The following CTNNA3 variants were observed in gnomAD, a reference collection of about 807,000 sequenced individuals.
The protein encoded by CTNNA3 is catenin alpha-3.
In CTNNA3, 76 loss-of-function variants were observed where a neutral mutation model predicts 95.7. The observed-to-expected ratio is 0.79, with a 90% confidence interval of 0.66 to 0.96. The LOEUF (loss-of-function observed/expected upper bound fraction) is 0.96, where lower values mean the gene tolerates loss of function less well. CTNNA3 is among the 40% of genes least tolerant of loss of function. CTNNA3 has a pLI of 0.00. For missense variants in CTNNA3, 1,191 were observed against 1,089.8 expected (o/e 1.09, Z -1.31); for synonymous variants, 431 against 374.4 (o/e 1.15, Z -1.74).
At chr10:66,107,175 A>AT (rs1230014618) in intron 13 of CTNNA3, among the ~76,000 whole-genome samples, 12 of 152,144 alleles carry the variant, frequency 7.9e-5, no homozygotes, top group Middle Eastern at 3.2e-3. Flanking sequence ...AAGAGAGCCC[A>AT]TTTTTTCAGA....
At chr10:67,095,726 A>G (rs190825050) in intron 7 of CTNNA3, among the ~76,000 whole-genome samples, 1 of 151,962 alleles carries the variant, frequency 6.6e-6, no homozygotes, top group Non-Finnish European at 1.5e-5. Context: ...ACAAGTATAT[A>G]AAATCCTACA....
At chr10:66,278,323 G>T (rs1439392136) in intron 13 of CTNNA3, among the ~76,000 whole-genome samples, 2 of 151,508 alleles carry the variant, frequency 1.3e-5, no homozygotes, top group African/African-American at 4.8e-5. Context: ...ATTTGACATT[G>T]GACAGGCACT....
At chr10:66,122,041 GTTATAC>G (rs557723742) in intron 13 of CTNNA3, among the ~76,000 whole-genome samples, 32 of 152,048 alleles carry the variant, frequency 2.1e-4, no homozygotes, top group Non-Finnish European at 4.4e-4. Flanking sequence ...TGACACCAGT[GTTATAC>G]TTATCAGGCA....
chr10:67,111,903 G>T (rs1047605658), intron 7 of CTNNA3, among the ~76,000 whole-genome samples: 6 of 151,860 alleles, frequency 4.0e-5, no homozygotes, highest in Non-Finnish European at 5.9e-5. Context: ...ATTTCATTAT[G>T]GGGTGAAAAA....
rs779034638 is a variant in CTNNA3, at chr10:67,338,730, A to C, written c.580-118860T>G. Among the ~76,000 whole-genome samples, 79 of 152,192 alleles carry C rather than the reference A, an allele frequency of 5.2e-4. 4 individuals are homozygous for C. The highest frequency in any genetic ancestry group is 2.4e-4 in the Non-Finnish European group (16 of 68,020). On this transcript the variant is annotated intron_variant, in intron 5 of 17. Transcript: ENST00000433211. ...ATAAGCAAACTGCAGTAGCTTGCCT[A>C]CAATAGCTAACAACATCATCTCACT...
chr10:66,442,524 A>G (rs570363925), intron 11 of CTNNA3, among the ~76,000 whole-genome samples: 26 of 152,344 alleles, frequency 1.7e-4, no homozygotes, highest in Admixed American at 1.4e-3. Flanking sequence ...AGATTACAAC[A>G]TAAAACAGAT....
intron 10 of CTNNA3, among the ~76,000 whole-genome samples, chr10:66,566,906 G>A (rs1324829645): frequency 6.6e-6 from 1 of 150,988 alleles, no homozygotes; most frequent in Non-Finnish European, 1.5e-5. Flanking sequence ...CACAAAGAGA[G>A]GGAGAGAAAA....
intron 5 of CTNNA3, among the ~76,000 whole-genome samples, chr10:67,514,990 T>C (rs1276066807): frequency 2.0e-5 from 3 of 152,170 alleles, no homozygotes; most frequent in African/African-American, 7.2e-5. Flanking sequence ...GGAAACAGAA[T>C]AGCAAACCTT....
At chr10:66,685,274 C>CGTATACATGTGT (rs1847227656) in intron 9 of CTNNA3, among the ~76,000 whole-genome samples, 1 of 57,156 alleles carries the variant, frequency 1.7e-5, no homozygotes, top group African/African-American at 8.5e-5. Flanking sequence ...TGTATATATA[C>CGTATACATGTGT]GTATATATAA....
intron 7 of CTNNA3, among the ~76,000 whole-genome samples, chr10:66,967,583 A>T (rs77903839): frequency 0.015 from 2,214 of 152,062 alleles, 65 homozygotes; most frequent in African/African-American, 0.048. Context: ...AAATGATACA[A>T]CCATATGAGG....
chr10:66,493,002 T>C (rs1329612256), intron 11 of CTNNA3, among the ~76,000 whole-genome samples: 2 of 151,168 alleles, frequency 1.3e-5, no homozygotes, highest in Admixed American at 6.6e-5. Context: ...ATGAATTGTG[T>C]TGAAAAAAGA....
chr10:67,361,858 G>T (rs2132672376), intron 5 of CTNNA3, among the ~76,000 whole-genome samples: 1 of 151,820 alleles, frequency 6.6e-6, no homozygotes, highest in Non-Finnish European at 1.5e-5. Flanking sequence ...CAATAAACAA[G>T]ATCCATACAC....
intron 13 of CTNNA3, among the ~76,000 whole-genome samples, chr10:66,127,074 C>T (rs1309306664): frequency 6.6e-6 from 1 of 151,654 alleles, no homozygotes; most frequent in South Asian, 2.1e-4. Flanking sequence ...AGAGACCATC[C>T]TGCTGGCTAA....
At chr10:67,112,538 A>C (rs933554751) in intron 7 of CTNNA3, among the ~76,000 whole-genome samples, 1 of 152,170 alleles carries the variant, frequency 6.6e-6, no homozygotes, top group African/African-American at 2.4e-5. Flanking sequence ...GGATAAAGTA[A>C]GATAATGGAA....
At chr10:67,098,073 C>G in intron 7 of CTNNA3, 1 of 419,644 alleles carries the variant, frequency 2.4e-6, no homozygotes, top group Non-Finnish European at 4.4e-6. Flanking sequence ...CTCATCCTAC[C>G]TACCTGTAAA....
chr10:66,763,740 T>C (rs1464833659), intron 9 of CTNNA3, among the ~76,000 whole-genome samples: 1 of 152,208 alleles, frequency 6.6e-6, no homozygotes, highest in Admixed American at 6.5e-5. Context: ...GGACTTCTCA[T>C]CTCAGAACCC....
chr10:66,405,650 G>A (rs779647480), intron 11 of CTNNA3, among the ~76,000 whole-genome samples: 12 of 152,060 alleles, frequency 7.9e-5, no homozygotes, highest in Admixed American at 1.3e-4. Context: ...GTTTGCTTTG[G>A]GTAGCACTAC....
upstream of CTNNA3, among the ~76,000 whole-genome samples, chr10:67,697,319 G>A (rs1338823208): frequency 6.6e-6 from 1 of 152,144 alleles, no homozygotes; most frequent in Admixed American, 6.5e-5. Flanking sequence ...GAAACAAAGA[G>A]TAAGTTTTAT....
rs141523660 is a variant in CTNNA3 at position 67,240,844 on chromosome 10, G to T, written c.580-20974C>A. ...CAAGAAAATGTAGGGGGGTGTGTGTGCACATGTGTGTGTGTGTAAAGTTCA... is the reference window on the plus strand; with the variant it reads ...CAAGAAAATGTAGGGGGGTGTGTGTTCACATGTGTGTGTGTGTAAAGTTCA... On this transcript the variant is annotated intron_variant, in intron 5 of 17. Transcript: ENST00000433211. Among the ~76,000 whole-genome samples the T allele has an allele frequency of 4.3e-3, 650 of 152,252 alleles. 6 individuals carry two copies. Among genetic ancestry groups the T allele is most frequent in the African/African-American group, 0.015 (619 of 41,542 alleles).
Sources: gnomAD v4.1 joint callset for allele counts (sites outside exome capture counted in the v4.1 genomes callset) on GRCh38, gnomAD v4.1.1 for gene constraint, MANE v1.5 for transcripts, NCBI Gene and HGNC (gene_info 2026-07-23, HGNC 2026-07-21) for gene names.